The following DLG2 variants were observed in gnomAD, a reference collection of about 807,000 sequenced individuals.
DLG2 encodes discs large MAGUK scaffold protein 2.
Under a neutral mutation model 132.5 loss-of-function variants are expected in DLG2, and 45 were observed. The ratio of observed to expected loss-of-function variants is 0.34; its 90% confidence interval spans 0.27 to 0.44. The LOEUF is 0.44. DLG2 is among the 20% of genes least tolerant of loss of function. DLG2 has a pLI of 1.00. For missense variants in DLG2, 1,045 were observed against 1,196.9 expected (o/e 0.87, Z 1.87); for synonymous variants, 424 against 419.6 (o/e 1.01, Z -0.13).
chr11:84,773,627 C>A (rs955872338), intron 6 of DLG2, among the ~76,000 whole-genome samples: 3 of 151,894 alleles, frequency 2.0e-5, no homozygotes, highest in Admixed American at 6.6e-5. Flanking sequence ...CATATGCAAA[C>A]CCATGCAAAT....
intron 6 of DLG2, among the ~76,000 whole-genome samples, chr11:85,109,078 GC>G (rs1452475240): frequency 6.6e-6 from 1 of 151,898 alleles, no homozygotes; most frequent in Non-Finnish European, 1.5e-5. Flanking sequence ...AATTCAACTG[GC>G]CCTGCTGGAA....
intron 15 of DLG2, among the ~76,000 whole-genome samples, chr11:83,921,272 A>T (rs2077838288): frequency 6.6e-6 from 1 of 152,164 alleles, no homozygotes; most frequent in Admixed American, 6.6e-5. Context: ...TGTTACTATT[A>T]GTACTATATG....
At chr11:84,752,269 A>ATAGT (rs2066224011) in intron 6 of DLG2, among the ~76,000 whole-genome samples, 1 of 152,170 alleles carries the variant, frequency 6.6e-6, no homozygotes, top group Non-Finnish European at 1.5e-5. Context: ...GCATGGTTCT[A>ATAGT]GGTGCTGGGA....
chr11:84,229,923 G>A (rs2097066205), intron 8 of DLG2, among the ~76,000 whole-genome samples: 1 of 152,146 alleles, frequency 6.6e-6, no homozygotes, highest in Non-Finnish European at 1.5e-5. Flanking sequence ...TTATGATTAA[G>A]TGAAGTTTTC....
At chr11:84,161,269 G>A (rs1009246835) in intron 9 of DLG2, among the ~76,000 whole-genome samples, 5 of 152,074 alleles carry the variant, frequency 3.3e-5, no homozygotes, top group Admixed American at 6.6e-5. Context: ...ATACATGCTA[G>A]GTGGGGAGGG....
At chr11:84,949,532 G>T (rs2050660416) in intron 6 of DLG2, among the ~76,000 whole-genome samples, 1 of 136,174 alleles carries the variant, frequency 7.3e-6, no homozygotes, top group East Asian at 2.7e-4. Flanking sequence ...GGCGGGCGGG[G>T]GGTGGGCAGT....
chr11:84,752,430 G>GT (rs1345130886), intron 6 of DLG2, among the ~76,000 whole-genome samples: 1 of 152,112 alleles, frequency 6.6e-6, no homozygotes, highest in Non-Finnish European at 1.5e-5. Flanking sequence ...CTGTAGCAGT[G>GT]TAAGAAGAGA....
intron 6 of DLG2, among the ~76,000 whole-genome samples, chr11:84,625,818 T>G (rs559616973): frequency 2.6e-5 from 4 of 152,330 alleles, no homozygotes; most frequent in African/African-American, 9.6e-5. Flanking sequence ...AAGAAAATCA[T>G]GTTATTTGGA....
At chr11:83,687,955 G>T (rs1054207888) in intron 18 of DLG2, among the ~76,000 whole-genome samples, 1 of 151,688 alleles carries the variant, frequency 6.6e-6, no homozygotes, top group African/African-American at 2.4e-5. Context: ...CTACAGTGAG[G>T]TATGGTCACG....
intron 7 of DLG2, among the ~76,000 whole-genome samples, chr11:84,470,658 C>A (rs537304154): frequency 6.6e-6 from 1 of 151,682 alleles, no homozygotes; most frequent in Admixed American, 6.6e-5. Flanking sequence ...TGGTAAGGAC[C>A]ATTCTCCCTG....
chr11:83,712,841 A>C (rs1297656358), intron 18 of DLG2, among the ~76,000 whole-genome samples: 1 of 152,160 alleles, frequency 6.6e-6, no homozygotes, highest in Non-Finnish European at 1.5e-5. Context: ...AGCATCAGGA[A>C]GAATAGCTAA....
intron 18 of DLG2, chr11:83,645,820 T>C (rs1457190784): frequency 3.3e-5 from 5 of 152,134 alleles, no homozygotes; most frequent in Non-Finnish European, 1.5e-5. Context: ...CTGGGGGTTG[T>C]TACAGCACAG....
intron 6 of DLG2, among the ~76,000 whole-genome samples, chr11:84,881,962 A>C (rs181957877): frequency 6.6e-6 from 1 of 152,256 alleles, no homozygotes; most frequent in Admixed American, 6.5e-5. Flanking sequence ...AGTTCTTAAT[A>C]TACTTTCAAA....
intron 8 of DLG2, among the ~76,000 whole-genome samples, chr11:84,198,468 C>G (rs1376917932): frequency 1.3e-5 from 2 of 151,868 alleles, no homozygotes; most frequent in Non-Finnish European, 2.9e-5. Flanking sequence ...ACTAAATGGC[C>G]TCTAGCTAAA....
chr11:84,212,947 G>A (rs970745307), intron 8 of DLG2, among the ~76,000 whole-genome samples: 10 of 151,898 alleles, frequency 6.6e-5, no homozygotes, highest in South Asian at 2.1e-4. Flanking sequence ...CGTGAGCCGC[G>A]GCGCCCGGCC....
chr11:85,509,354 T>A (rs1047062469), intron 3 of DLG2, among the ~76,000 whole-genome samples: 1 of 152,030 alleles, frequency 6.6e-6, no homozygotes, highest in African/African-American at 2.4e-5. Context: ...TATTCTAACA[T>A]AGATTTTTGG....
chr11:83,916,052 T>C (rs1448076110), intron 15 of DLG2, among the ~76,000 whole-genome samples: 2 of 152,188 alleles, frequency 1.3e-5, no homozygotes, highest in East Asian at 3.8e-4. Context: ...GGTTTACCCA[T>C]GCGTAACACG....
At chr11:84,909,506 T>C (rs867790945) in intron 6 of DLG2, among the ~76,000 whole-genome samples, 49 of 152,320 alleles carry the variant, frequency 3.2e-4, no homozygotes, top group Admixed American at 9.8e-4. Flanking sequence ...GTTTTAATCA[T>C]GATTAAAATA....
At chr11:83,647,461 A>G (rs1188729682) in intron 18 of DLG2, 1 of 152,154 alleles carries the variant, frequency 6.6e-6, no homozygotes, top group African/African-American at 2.4e-5. Flanking sequence ...TTGAAGCTAT[A>G]GCTGCTCCTT....
Sources: allele counts gnomAD v4.1 joint callset (sites outside exome capture counted in the v4.1 genomes callset), GRCh38; gene constraint gnomAD v4.1.1; transcripts MANE v1.5; gene names NCBI Gene and HGNC (gene_info 2026-07-23, HGNC 2026-07-21).